Variants in FBXL17 observed in about 807,000 individuals in gnomAD.
FBXL17 encodes the protein F-box and leucine rich repeat protein 17.
In FBXL17, 22 loss-of-function variants were observed where a neutral mutation model predicts 66.2. The observed-to-expected ratio is 0.33, with a 90% CI of 0.24 to 0.47. The LOEUF (loss-of-function observed/expected upper bound fraction) is 0.47, where lower values mean the gene tolerates loss of function less well. FBXL17 is among the 20% of genes least tolerant of loss of function. FBXL17 has a pLI of 1.00. For synonymous variants in FBXL17, 474 were observed against 400.5 expected (o/e 1.18, Z -2.19); for missense variants, 878 against 948.2 (o/e 0.93, Z 0.97).
chr5:108,042,448 C>A (rs769503401), intron 6 of FBXL17, among the ~76,000 whole-genome samples: 1 of 152,094 alleles, frequency 6.6e-6, no homozygotes, highest in South Asian at 2.1e-4. Context: ...CCCCTGGTAA[C>A]CTCTAATCTG....
chr5:107,878,558 C>T (rs933267030), intron 8 of FBXL17: 1 of 963,200 alleles, frequency 1.0e-6, no homozygotes, highest in Non-Finnish European at 1.2e-6. Flanking sequence ...TGAACCTGAA[C>T]TCTGGCTCTC....
At chr5:108,339,818 A>C (rs542752304) in intron 4 of FBXL17, among the ~76,000 whole-genome samples, 1 of 152,302 alleles carries the variant, frequency 6.6e-6, no homozygotes, top group East Asian at 1.9e-4. Flanking sequence ...CGGAGTTTTT[A>C]ATACTAAGCT....
chr5:108,183,079 C>T (rs1217627596), intron 6 of FBXL17, among the ~76,000 whole-genome samples: 3 of 127,498 alleles, frequency 2.4e-5, no homozygotes, highest in South Asian at 2.4e-4. Flanking sequence ...TCGCTCTTGT[C>T]GCCCAGGCTG....
intron 4 of FBXL17, among the ~76,000 whole-genome samples, chr5:108,254,362 A>G (rs1756485909): frequency 6.6e-6 from 1 of 152,170 alleles, no homozygotes; most frequent in African/African-American, 2.4e-5. Flanking sequence ...AGCAACTGCA[A>G]ATTTCTAAAA....
rs1749949112 is a variant in FBXL17, at chr5:108,381,615, C to T, written c.77G>A (p.Arg26His). Residue 26 changes from arginine to histidine, a missense_variant, in exon 1 of 9, where the codon CGC (arginine) becomes CAC (histidine). Arg to His is a conservative substitution (Grantham distance 29). Coordinates refer to ENST00000542267, the MANE Select transcript of FBXL17 (RefSeq NM_001163315.3). ...GGGCAGCCTGAGGAGAGGGCGCCGG[C>T]GGCGGCACCAACTGCAACAGCGAGG... Reference protein sequence around the residue: ...KRPRCCSWCRRRRPLLRLPRR... With the variant: ...KRPRCCSWCRHRRPLLRLPRR... 6.7e-7 allele frequency: 1 copy of T among 1,486,060 alleles called. No homozygotes were observed. The highest frequency in any genetic ancestry group is 8.9e-7 in the Non-Finnish European group (1 of 1,123,424). The allele number at this position is 1,486,060 out of a possible 1,614,324, so 92.1% of individuals were successfully genotyped here.
chr5:108,022,421 TA>T (rs1238117996), intron 6 of FBXL17, among the ~76,000 whole-genome samples: 1 of 151,964 alleles, frequency 6.6e-6, no homozygotes, highest in Non-Finnish European at 1.5e-5. Context: ...TTTTATATGG[TA>T]AAAACTATTT....
intron 4 of FBXL17, among the ~76,000 whole-genome samples, chr5:108,229,422 A>G (rs997703543): frequency 2.6e-5 from 4 of 152,206 alleles, no homozygotes; most frequent in Non-Finnish European, 5.9e-5. Flanking sequence ...AAATACTTAC[A>G]GCCAACTGAT....
At chr5:108,063,315 T>C (rs562608717) in intron 6 of FBXL17, among the ~76,000 whole-genome samples, 1 of 152,300 alleles carries the variant, frequency 6.6e-6, no homozygotes, top group African/African-American at 2.4e-5. Context: ...GGAGACACCA[T>C]AGTGTCTTGG....
At chr5:108,288,205 A>G (rs888165987) in intron 4 of FBXL17, among the ~76,000 whole-genome samples, 2 of 151,622 alleles carry the variant, frequency 1.3e-5, no homozygotes, top group African/African-American at 4.8e-5. Context: ...TGTACAGCAA[A>G]CCCCCACAAC....
At chr5:107,991,101 T>A (rs186827623) in intron 7 of FBXL17, among the ~76,000 whole-genome samples, 1 of 152,154 alleles carries the variant, frequency 6.6e-6, no homozygotes, top group Non-Finnish European at 1.5e-5. Context: ...GTAGGGGTAA[T>A]GTCAAAATGA....
chr5:108,263,520 T>C (rs1032473276), intron 4 of FBXL17, among the ~76,000 whole-genome samples: 2 of 152,200 alleles, frequency 1.3e-5, no homozygotes, highest in African/African-American at 2.4e-5. Context: ...GAAATACTTC[T>C]ATTTACTTTC....
chr5:108,360,923 T>C (rs989559749), intron 3 of FBXL17, among the ~76,000 whole-genome samples: 1 of 152,134 alleles, frequency 6.6e-6, no homozygotes, highest in Non-Finnish European at 1.5e-5. Flanking sequence ...TTCTATTTGG[T>C]TCTTTCCATA....
intron 7 of FBXL17, among the ~76,000 whole-genome samples, chr5:107,993,034 C>G (rs866537129): frequency 2.0e-5 from 3 of 151,914 alleles, no homozygotes; most frequent in Middle Eastern, 3.4e-3. Context: ...TAGCTGGGAC[C>G]ACAGGCGCCC....
chr5:107,923,738 G>A (rs1352565513), intron 7 of FBXL17, among the ~76,000 whole-genome samples: 1 of 152,128 alleles, frequency 6.6e-6, no homozygotes, highest in Non-Finnish European at 1.5e-5. Context: ...CAAGGGCACA[G>A]GATTCTTAAC....
intron 4 of FBXL17, among the ~76,000 whole-genome samples, chr5:108,262,259 AG>A (rs918301898): frequency 6.6e-6 from 1 of 151,480 alleles, no homozygotes; most frequent in Non-Finnish European, 1.5e-5. Context: ...TTGTATTTTT[AG>A]TAGAGGCGGG....
intron 8 of FBXL17, among the ~76,000 whole-genome samples, chr5:107,865,741 T>G (rs1337103691): frequency 6.6e-6 from 1 of 152,220 alleles, no homozygotes; most frequent in Non-Finnish European, 1.5e-5. Flanking sequence ...GCGTAGAAGT[T>G]ATTCAGGGGA....
chr5:108,055,413 C>T (rs1747662566), intron 6 of FBXL17, among the ~76,000 whole-genome samples: 1 of 149,216 alleles, frequency 6.7e-6, no homozygotes, highest in African/African-American at 2.4e-5. Flanking sequence ...TTGAGACCAT[C>T]CTGGCTAACA....
intron 4 of FBXL17, among the ~76,000 whole-genome samples, chr5:108,242,349 TTTGTTG>T (rs70996988): frequency 0.16 from 23,866 of 146,732 alleles, 2,027 homozygotes; most frequent in South Asian, 0.27. Flanking sequence ...GCCTGGCTAG[TTTGTTG>T]TTGTTGTTGT....
intron 5 of FBXL17, among the ~76,000 whole-genome samples, chr5:108,186,832 A>G (rs1419127979): frequency 6.6e-6 from 1 of 152,110 alleles, no homozygotes; most frequent in Non-Finnish European, 1.5e-5. Context: ...CAAGTTAGCA[A>G]TCTATTGTCT....
Sources: allele counts gnomAD v4.1 joint callset (sites outside exome capture counted in the v4.1 genomes callset), GRCh38; gene constraint gnomAD v4.1.1; transcripts MANE v1.5; gene names NCBI Gene and HGNC (gene_info 2026-07-23, HGNC 2026-07-21).